The following MEST variants were observed in gnomAD, a reference collection of about 807,000 sequenced individuals.
The protein encoded by MEST is mesoderm-specific transcript homolog protein.
Under a neutral mutation model 50.9 loss-of-function variants are expected in MEST, and 18 were observed. The observed-to-expected ratio is 0.35, with a 90% confidence interval of 0.24 to 0.52. The LOEUF (loss-of-function observed/expected upper bound fraction) is 0.52. MEST is among the 20% of genes least tolerant of loss of function. MEST has a pLI of 0.94. For missense variants in MEST, 282 were observed against 425.3 expected (o/e 0.66, Z 2.96); for synonymous variants, 130 against 154.1 (o/e 0.84, Z 1.16).
chr7:130,500,211 TA>T lies in MEST; in HGVS notation c.577-248del, dbSNP rs1179979804. 1.3e-5 allele frequency among the ~76,000 whole-genome samples: 2 copies of T among 152,232 alleles called. No individual in the cohort carries two copies. The highest frequency in any genetic ancestry group is 2.9e-5 in the Non-Finnish European group (2 of 68,040). ...GTTTGAACAAATTAGGATCCTACTC[TA>T]AACTTGAATATATCAGAGTTAAAGT... is the stretch of plus-strand genomic sequence containing the variant. On this transcript the variant is annotated intron_variant, in intron 7 of 11. Transcript: ENST00000223215. This position sits in a 1 kb window ranked among gnomAD's most constrained non-coding sequence, Gnocchi z 5.0.
Position 130,497,304 on chromosome 7 carries a change from C to A in MEST, c.261+69C>A. The A allele has an allele frequency of 7.5e-7, 1 of 1,340,328 alleles. No individual in the cohort carries two copies. The highest frequency in any genetic ancestry group is 1.3e-5 in the South Asian group (1 of 77,982). 83.0% of individuals were successfully genotyped at this position (1,340,328 alleles called of 1,614,324 possible). ...CTCGGCCGGGCGCGGGGGCTCAAAT[C>A]CTAGCACTTTGGGAGGCTGAGGTGG... On this transcript the variant is annotated intron_variant, in intron 3 of 11. Transcript: ENST00000223215. This position sits in a 1 kb window ranked among gnomAD's most constrained non-coding sequence, Gnocchi z 4.0.
At chr7:130,495,597 A>G (rs1322640375) in intron 2 of MEST, 75 bp downstream of exon 2, 7 of 1,467,844 alleles carry the variant, frequency 4.8e-6, no homozygotes, top group East Asian at 2.3e-5. Flanking sequence ...TTTTGTGGCT[A>G]TTGGTCTCTT....
chr7:130,499,749 T>C (rs1287456343), intron 6 of MEST, 126 bp from the exon 7 acceptor site: 6 of 684,390 alleles, frequency 8.8e-6, no homozygotes, highest in African/African-American at 1.8e-5. Context: ...CCCAGCACTT[T>C]GGGAGGCTGA....
chr7:130,492,290 CG>C lies in MEST; in HGVS notation c.-21del. On this transcript the variant is annotated 5_prime_UTR_variant, in exon 1 of 12. Transcript: ENST00000223215. This position sits in a 1 kb window ranked among gnomAD's most constrained non-coding sequence, Gnocchi z 7.6. ...CGCCCGGTGCTCTGCAACGCTGCGG[CG>C]GGCGGCATGGGATAACGCGGCCATG... The C allele has an allele frequency of 7.4e-7, 1 of 1,348,318 alleles. No homozygotes were observed. The highest frequency in any genetic ancestry group is 3.9e-5 in the Admixed American group (1 of 25,420). The allele number at this position is 1,348,318 out of a possible 1,614,324, so 83.5% of individuals were successfully genotyped here.
Position 130,500,168 on chromosome 7 carries a change from C to T in MEST, c.576+253C>T. On this transcript the variant is annotated intron_variant, in intron 7 of 11. Coordinates refer to ENST00000223215, the MANE Select transcript of MEST (RefSeq NM_002402.4). This position sits in a 1 kb window ranked among gnomAD's most constrained non-coding sequence, Gnocchi z 5.0. Reference sequence around the variant, plus strand: ...GGAGAAATTACAGCTATGGAAAGATCTGTGTCACAAGCTTGATGTTTGAAC... The same window carrying T: ...GGAGAAATTACAGCTATGGAAAGATTTGTGTCACAAGCTTGATGTTTGAAC... The T allele has an allele frequency of 1.8e-6, 1 of 553,154 alleles. No homozygotes were observed. Among genetic ancestry groups the T allele is most frequent in the Non-Finnish European group, 3.2e-6 (1 of 316,758 alleles). 34.3% of individuals were successfully genotyped at this position (553,154 alleles called of 1,614,324 possible).
Position 130,503,962 on chromosome 7 carries a change from G to A in MEST, c.856G>A (p.Val286Ile), listed in dbSNP as rs1418504883. Residue 286 changes from valine (V) to isoleucine (I), a missense_variant, in exon 11 of 12, where the codon GTA becomes ATA. By Grantham distance (29) the Val-to-Ile change is conservative (BLOSUM62 3). Transcript: ENST00000223215. Reference sequence around the variant, plus strand: ...TTTTATCTATGGGCCATTGGATCCTGTAAATCCCTATCCAGAGTTTTTGGA... The same window carrying A: ...TTTTATCTATGGGCCATTGGATCCTATAAATCCCTATCCAGAGTTTTTGGA... The part of the protein sequence containing the change: ...IHFIYGPLDP[V>I]NPYPEFLELY... The A allele has an allele frequency of 1.2e-6, 2 of 1,613,282 alleles. No individual in the cohort carries two copies. The highest frequency in any genetic ancestry group is 1.7e-6 in the Non-Finnish European group (2 of 1,179,438).
chr7:130,489,146 T>TG (rs1798711184), upstream of MEST: 1 of 152,246 alleles, frequency 6.6e-6, no homozygotes, highest in Admixed American at 6.5e-5. Context: ...CCATCTCTGC[T>TG]GATCCCATAC....
In MEST at chr7:130,498,367, C is replaced by T. The variant is rs1327902026; in HGVS notation, c.477-52C>T. On this transcript the variant is annotated intron_variant, in intron 5 of 11. Transcript: ENST00000223215. Reference sequence around the variant, plus strand: ...CCTTTTTCTCTCGTTTTCAGCGGTGCACTGGTTTAAGTTTGCTCAGCTACA... The same window carrying T: ...CCTTTTTCTCTCGTTTTCAGCGGTGTACTGGTTTAAGTTTGCTCAGCTACA... The T allele has an allele frequency of 1.9e-5, 31 of 1,610,958 alleles. No individual in the cohort carries two copies. The African/African-American group carries it at 2.8e-4, about 15-fold the overall frequency.
At chr7:130,493,446 T>C (rs1283936845) in intron 1 of MEST, among the ~76,000 whole-genome samples, 1 of 152,214 alleles carries the variant, frequency 6.6e-6, no homozygotes, top group African/African-American at 2.4e-5. Context: ...TTTTGCCTAC[T>C]GACGGCTAGG....
At chr7:130,489,010 C>T (rs1798706185), upstream of MEST, 1 of 152,176 alleles carries the variant, frequency 6.6e-6, no homozygotes, top group South Asian at 2.1e-4. Context: ...TGATTTGAAT[C>T]TACAATGATG....
intron 2 of MEST, chr7:130,495,995 G>A (rs927039562): frequency 4.7e-6 from 2 of 424,552 alleles, no homozygotes; most frequent in Non-Finnish European, 9.4e-6. Flanking sequence ...CCATATGCCA[G>A]GCACTGAGTT....
intron 1 of MEST, among the ~76,000 whole-genome samples, chr7:130,494,369 A>T (rs1345101468): frequency 6.6e-6 from 1 of 152,166 alleles, no homozygotes; most frequent in South Asian, 2.1e-4. Flanking sequence ...TTCTACTGAC[A>T]ATTCTTGATC....
Position 130,506,338 on chromosome 7 carries a change from T to C in MEST, c.*1282T>C, listed in dbSNP as rs1262210692. The stretch of plus-strand genomic sequence containing the variant: ...CCCCCTCCCCCCCACCCCTCTGGGA[T>C]AAAAATTTTCCAGCATTGCCAGGAG... On this transcript the variant is annotated 3_prime_UTR_variant, in exon 12 of 12. Transcript: ENST00000223215. 4 of 88,518 alleles carry C rather than the reference T, an allele frequency of 4.5e-5. No individual in the cohort carries two copies. Among genetic ancestry groups the C allele is most frequent in the African/African-American group, 1.9e-4 (4 of 21,592 alleles). The allele number at this position is 88,518 out of a possible 1,614,324, so 5.5% of individuals were successfully genotyped here. A position where few individuals can be genotyped will look rare whatever the true frequency, so the allele number is the denominator to read the frequency against.
chr7:130,492,278 G>A lies in MEST; in HGVS notation c.-36G>A. The A allele has an allele frequency of 7.4e-7, 1 of 1,348,152 alleles. No individual in the cohort carries two copies. The highest frequency in any genetic ancestry group is 9.5e-7 in the Non-Finnish European group (1 of 1,051,496). The allele number at this position is 1,348,152 out of a possible 1,614,324, so 83.5% of individuals were successfully genotyped here. ...CGGGCTCTGCGGCGCCCGGTGCTCTGCAACGCTGCGGCGGGCGGCATGGGA... is the reference window on the plus strand; with the variant it reads ...CGGGCTCTGCGGCGCCCGGTGCTCTACAACGCTGCGGCGGGCGGCATGGGA... On this transcript the variant is annotated 5_prime_UTR_variant, in exon 1 of 12. Coordinates refer to ENST00000223215, the MANE Select transcript of MEST (RefSeq NM_002402.4). This position sits in a 1 kb window ranked among gnomAD's most constrained non-coding sequence, Gnocchi z 7.6.
rs1798853540 is a variant in MEST, at chr7:130,492,297, C to T, written c.-17C>T. 1.5e-6 allele frequency: 2 copies of T among 1,346,438 alleles called. No homozygotes were observed. Among genetic ancestry groups the T allele is most frequent in the Admixed American group, 3.9e-5 (1 of 25,322 alleles). 83.4% of individuals were successfully genotyped at this position (1,346,438 alleles called of 1,614,324 possible). ...TGCTCTGCAACGCTGCGGCGGGCGGCATGGGATAACGCGGCCATGGTGCGC... is the reference window on the plus strand; with the variant it reads ...TGCTCTGCAACGCTGCGGCGGGCGGTATGGGATAACGCGGCCATGGTGCGC... On this transcript the variant is annotated 5_prime_UTR_variant, in exon 1 of 12. Transcript: ENST00000223215. The surrounding 1 kb of genome is among the most constrained non-coding windows in gnomAD (Gnocchi z 7.6).
At chr7:130,491,060 C>G (rs1584936054), upstream of MEST, 1 of 152,406 alleles carries the variant, frequency 6.6e-6, no homozygotes, top group East Asian at 1.9e-4. This position sits in a 1 kb window ranked among gnomAD's most constrained non-coding sequence, Gnocchi z 6.8. Flanking sequence ...CCGCCCCGCT[C>G]ACCCGCTCGC....
intron 11 of MEST, 107 bp downstream of exon 11, chr7:130,504,103 C>T (rs1299713043): frequency 3.8e-6 from 3 of 786,476 alleles, no homozygotes; most frequent in African/African-American, 3.5e-5. Context: ...TCTTTAACCT[C>T]GCTGGCTGTT....
chr7:130,504,027 G>A lies in MEST; in HGVS notation c.890+31G>A, dbSNP rs368890021. 3.8e-6 allele frequency: 6 copies of A among 1,568,210 alleles called. No individual in the cohort carries two copies. The African/African-American group carries it at 4.1e-5, about 11-fold the overall frequency. On this transcript the variant is annotated intron_variant, in intron 11 of 11. Coordinates refer to ENST00000223215, the MANE Select transcript of MEST (RefSeq NM_002402.4). ...TCTCCCCGAGAGAAGTCTATGTTTT[G>A]TTAGTATCTCATCCTGACAGTGGTA...
chr7:130,497,068 CTTTG>C lies in MEST; in HGVS notation c.182-86_182-83del. The C allele has an allele frequency of 9.3e-7, 1 of 1,075,508 alleles. No homozygotes were observed. Among genetic ancestry groups the C allele is most frequent in the Non-Finnish European group, 1.3e-6 (1 of 741,742 alleles). 66.6% of individuals were successfully genotyped at this position (1,075,508 alleles called of 1,614,324 possible). A position where few individuals can be genotyped will look rare whatever the true frequency, so the allele number is the denominator to read the frequency against. ...GTCAATTTGGTCACAGTTGCTTGTT[CTTTG>C]TATCAGATTACTTAGATTTTAACAT... On this transcript the variant is annotated intron_variant, in intron 2 of 11. Transcript: ENST00000223215. The surrounding 1 kb of genome is among the most constrained non-coding windows in gnomAD (Gnocchi z 4.0).
Sources: gnomAD v4.1 joint callset for allele counts (sites outside exome capture counted in the v4.1 genomes callset) on GRCh38, gnomAD v4.1.1 for gene constraint, Gnocchi (gnomAD v3.1) non-coding constraint, MANE v1.5 for transcripts, NCBI Gene and HGNC (gene_info 2026-07-23, HGNC 2026-07-21) for gene names.